WDR7: variants seen among roughly 807,000 people sequenced by gnomAD.
The protein encoded by WDR7 is WD repeat domain 7.
WDR7 carries 46 observed loss-of-function variants against 169.4 expected under a neutral mutation model. The observed-to-expected ratio is 0.27, with a 90% CI of 0.21 to 0.35. WDR7 has a LOEUF of 0.35. WDR7 is among the 10% of genes least tolerant of loss of function. The pLI, the probability that WDR7 is intolerant of heterozygous loss-of-function variation, is 1.00. For synonymous variants in WDR7, 612 were observed against 666.8 expected (o/e 0.92, Z 1.27); for missense variants, 1,534 against 1,859.3 (o/e 0.83, Z 3.22).
chr18:56,765,403 ATTATT>A (rs1348816642), intron 16 of WDR7, among the ~76,000 whole-genome samples: 3 of 150,892 alleles, frequency 2.0e-5, no homozygotes, highest in Admixed American at 6.6e-5. Flanking sequence ...GCTAATTTTT[ATTATT>A]TTAGTAGTTT....
chr18:56,884,943 C>G (rs1219437198), intron 21 of WDR7, among the ~76,000 whole-genome samples: 3 of 152,204 alleles, frequency 2.0e-5, no homozygotes, highest in Non-Finnish European at 4.4e-5. Flanking sequence ...GCTGAGAGAC[C>G]TGAAGACGGT....
At chr18:56,967,930 A>T (rs1228994280) in intron 26 of WDR7, among the ~76,000 whole-genome samples, 1 of 152,236 alleles carries the variant, frequency 6.6e-6, no homozygotes, top group African/African-American at 2.4e-5. Flanking sequence ...ACCAAAAAAA[A>T]GTCTATACAC....
At chr18:56,679,464 T>C in intron 3 of WDR7, 26 bp downstream of exon 3, 1 of 1,565,072 alleles carries the variant, frequency 6.4e-7, no homozygotes. Flanking sequence ...TTTGCCTCTT[T>C]TTCTCATGAG....
chr18:56,676,253 G>T (rs1440807354), intron 2 of WDR7, among the ~76,000 whole-genome samples: 2 of 151,966 alleles, frequency 1.3e-5, no homozygotes, highest in Admixed American at 6.6e-5. Flanking sequence ...TTCAGTCTAT[G>T]TGTGTTTTTA....
chr18:56,957,021 C>G (rs554242705), intron 25 of WDR7, among the ~76,000 whole-genome samples: 8 of 152,108 alleles, frequency 5.3e-5, no homozygotes, highest in Non-Finnish European at 7.4e-5. Flanking sequence ...TGCTTTGATG[C>G]AGCTTTGGTG....
intron 23 of WDR7, among the ~76,000 whole-genome samples, chr18:56,937,272 G>T (rs1252180300): frequency 6.6e-6 from 1 of 152,134 alleles, no homozygotes; most frequent in Non-Finnish European, 1.5e-5. Flanking sequence ...TGTGCCTGTA[G>T]TCCTAGCTGT....
At chr18:56,933,188 G>A (rs2046914329) in intron 22 of WDR7, among the ~76,000 whole-genome samples, 2 of 152,134 alleles carry the variant, frequency 1.3e-5, no homozygotes. Context: ...GGTGCCCAGA[G>A]CCATGAACTA....
chr18:56,908,556 T>C (rs1268223799), intron 21 of WDR7, among the ~76,000 whole-genome samples: 1 of 152,202 alleles, frequency 6.6e-6, no homozygotes, highest in Non-Finnish European at 1.5e-5. Context: ...TTGTATATAA[T>C]ATAATGGTCA....
At chr18:56,855,047 A>C (rs538378260) in intron 20 of WDR7, among the ~76,000 whole-genome samples, 1 of 152,210 alleles carries the variant, frequency 6.6e-6, no homozygotes, top group South Asian at 2.1e-4. Context: ...TCACATTCTT[A>C]TCCAAGATGT....
At chr18:56,815,731 T>G (rs2044955510) in intron 19 of WDR7, among the ~76,000 whole-genome samples, 1 of 152,188 alleles carries the variant, frequency 6.6e-6, no homozygotes, top group Admixed American at 6.5e-5. Flanking sequence ...AAAGTAACTG[T>G]AGCAAAAACC....
intron 19 of WDR7, among the ~76,000 whole-genome samples, chr18:56,787,738 TC>T (rs1021557542): frequency 2.6e-5 from 4 of 152,228 alleles, no homozygotes; most frequent in African/African-American, 4.8e-5. Flanking sequence ...AAGTCACTTT[TC>T]TGATGATTAT....
chr18:56,938,012 T>C (rs1174046032), intron 23 of WDR7, among the ~76,000 whole-genome samples: 1 of 152,184 alleles, frequency 6.6e-6, no homozygotes, highest in Non-Finnish European at 1.5e-5. Context: ...AAGTGGATCA[T>C]CATAAAGGTC....
intron 20 of WDR7, among the ~76,000 whole-genome samples, chr18:56,842,494 G>A (rs2045501201): frequency 1.3e-5 from 2 of 152,116 alleles, no homozygotes; most frequent in African/African-American, 2.4e-5. Context: ...CAATAGCAAG[G>A]ACTGACGCCA....
intron 20 of WDR7, among the ~76,000 whole-genome samples, chr18:56,846,090 A>G (rs889646648): frequency 6.6e-6 from 1 of 152,194 alleles, no homozygotes; most frequent in African/African-American, 2.4e-5. Context: ...TCATTGATAT[A>G]TTGTGACAAG....
At chr18:56,708,840 G>C (rs141176810) in intron 12 of WDR7, among the ~76,000 whole-genome samples, 8 of 152,138 alleles carry the variant, frequency 5.3e-5, no homozygotes, top group Non-Finnish European at 1.0e-4. Flanking sequence ...GAGAGACTGA[G>C]GTAGGAGAAT....
chr18:56,939,360 A>G lies in WDR7; in HGVS notation c.4031A>G (p.Lys1344Arg). 6.3e-7 allele frequency: 1 copy of G among 1,579,896 alleles called. No individual in the cohort carries two copies. Residue 1344 changes from lysine (K) to arginine (R), a missense_variant, in exon 25 of 28, where the codon AAA becomes AGA. Transcript: ENST00000254442. ...YCLEGSLVKK[K>R]GLQECFPAIC... ...CTTGAAGGATCTTTAGTTAAAAAGA[A>G]AGGTCTTCAAGAATGTTTCCCAGCC...
At chr18:56,687,010 A>G (rs746390244) in intron 7 of WDR7, 36 bp downstream of exon 7, 2 of 1,557,186 alleles carry the variant, frequency 1.3e-6, no homozygotes, top group Admixed American at 1.8e-5. Context: ...CTGTATTTTT[A>G]TCCTTCAAGA....
intron 20 of WDR7, among the ~76,000 whole-genome samples, chr18:56,831,970 C>A (rs570983905): frequency 1.2e-3 from 187 of 152,258 alleles, no homozygotes; most frequent in Non-Finnish European, 1.8e-3. Flanking sequence ...CCAGTGGCAC[C>A]TGGAACATCA....
At chr18:56,961,314 A>AT (rs34820218) in intron 25 of WDR7, among the ~76,000 whole-genome samples, 1,647 of 151,486 alleles carry the variant, frequency 0.011, 32 homozygotes, top group African/African-American at 0.038. Flanking sequence ...GAGAAATGAG[A>AT]TTTTTTTTTC....
Sources: allele counts gnomAD v4.1 joint callset (sites outside exome capture counted in the v4.1 genomes callset), GRCh38; gene constraint gnomAD v4.1.1; transcripts MANE v1.5; gene names NCBI Gene and HGNC (gene_info 2026-07-23, HGNC 2026-07-21).